TPRG1: variants seen among roughly 807,000 people sequenced by gnomAD.
TPRG1 encodes tumor protein p63-regulated gene 1 protein.
In TPRG1, 29 loss-of-function variants were observed where a neutral mutation model predicts 29.3. The observed-to-expected ratio is 0.99, with a 90% confidence interval of 0.74 to 1.35. TPRG1 has a LOEUF of 1.35. Ranked by LOEUF, TPRG1 falls within the 40% of genes most tolerant of loss-of-function variation. TPRG1 has a pLI of 0.00. For synonymous variants in TPRG1, 130 were observed against 116.8 expected, an observed-to-expected ratio of 1.11 and a Z score of -0.73; for missense variants, 327 against 335.0, an observed-to-expected ratio of 0.98 and a Z score of 0.19.
intron 4 of TPRG1, among the ~76,000 whole-genome samples, chr3:189,044,953 G>C (rs1442124100): frequency 6.6e-6 from 1 of 152,112 alleles, no homozygotes; most frequent in Admixed American, 6.6e-5. Flanking sequence ...ACAGTGTAAT[G>C]CTTATCCTGG....
intron 2 of TPRG1, among the ~76,000 whole-genome samples, chr3:189,002,339 A>C (rs1712069605): frequency 6.6e-6 from 1 of 152,012 alleles, no homozygotes. Flanking sequence ...TTGTGAAAAC[A>C]ACTGATATAT....
At chr3:189,315,132 C>G (rs1307305502) in intron 5 of TPRG1, among the ~76,000 whole-genome samples, 2 of 151,952 alleles carry the variant, frequency 1.3e-5, no homozygotes, top group Non-Finnish European at 2.9e-5. Flanking sequence ...GCATTCCAAC[C>G]TAGATGACAG....
chr3:189,260,955 G>A (rs948030930), intron 4 of TPRG1, among the ~76,000 whole-genome samples: 1 of 152,194 alleles, frequency 6.6e-6, no homozygotes, highest in South Asian at 2.1e-4. Flanking sequence ...GCTTGAAAGG[G>A]CTTCTGCTCT....
chr3:189,215,234 A>G lies in TPRG1; in HGVS notation c.211-58A>G. 6.3e-6 allele frequency: 9 copies of G among 1,431,228 alleles called. No homozygotes were observed. The South Asian group carries it at 6.5e-5, about 10-fold the overall frequency. 88.7% of individuals were successfully genotyped at this position (1,431,228 alleles called of 1,614,324 possible). A position where few individuals can be genotyped will look rare whatever the true frequency, so the allele number is the denominator to read the frequency against. ...AGCTGCTGGAATATACTAACTAATC[A>G]TAAGCGCGAAGTGGGCTAAGTCTGC... On this transcript the variant is annotated intron_variant, in intron 2 of 5. Coordinates refer to ENST00000345063, the MANE Select transcript of TPRG1 (RefSeq NM_198485.4).
chr3:189,070,837 T>C (rs1344285375), intron 4 of TPRG1, among the ~76,000 whole-genome samples: 2 of 152,092 alleles, frequency 1.3e-5, no homozygotes, highest in Non-Finnish European at 2.9e-5. Context: ...GAGTTGGGGC[T>C]TGCGAGAAGT....
chr3:189,286,990 A>G (rs545775170), intron 4 of TPRG1, among the ~76,000 whole-genome samples: 1 of 152,198 alleles, frequency 6.6e-6, no homozygotes, highest in Admixed American at 6.5e-5. Context: ...ACAGAGGCTT[A>G]TACAGTTGTT....
intron 1 of TPRG1, among the ~76,000 whole-genome samples, chr3:189,000,467 T>C (rs1711969484): frequency 6.6e-6 from 1 of 152,122 alleles, no homozygotes; most frequent in African/African-American, 2.4e-5. Context: ...TTGAATTTTT[T>C]GTTCTCCTTT....
At chr3:189,317,003 A>G (rs1016844935) in intron 5 of TPRG1, among the ~76,000 whole-genome samples, 26 of 152,250 alleles carry the variant, frequency 1.7e-4, no homozygotes, top group African/African-American at 2.4e-4. Flanking sequence ...GCTCCTAGAA[A>G]TGACTGGAAA....
chr3:189,051,119 A>G (rs763185992), intron 4 of TPRG1, among the ~76,000 whole-genome samples: 6 of 152,216 alleles, frequency 3.9e-5, no homozygotes, highest in Non-Finnish European at 8.8e-5. Flanking sequence ...AAGGGCATCC[A>G]AATCGGTAAA....
At chr3:189,146,746 A>C (rs1725315300) in intron 3 of TPRG1, among the ~76,000 whole-genome samples, 1 of 152,220 alleles carries the variant, frequency 6.6e-6, no homozygotes, top group Non-Finnish European at 1.5e-5. Context: ...ATAAATAAAA[A>C]AGTAATTAAA....
upstream of TPRG1, among the ~76,000 whole-genome samples, chr3:189,099,020 C>A (rs371647453): frequency 6.6e-6 from 1 of 152,104 alleles, no homozygotes; most frequent in African/African-American, 2.4e-5. Context: ...GTGCTACAGC[C>A]GCAGCTCCTC....
At chr3:189,170,438 T>G (rs1203199191), upstream of TPRG1, among the ~76,000 whole-genome samples, 2 of 152,192 alleles carry the variant, frequency 1.3e-5, no homozygotes, top group African/African-American at 2.4e-5. Flanking sequence ...ACAGCCCGGA[T>G]CTAATGCCGC....
At chr3:189,022,896 C>T (rs1418276162) in intron 3 of TPRG1, among the ~76,000 whole-genome samples, 1 of 152,208 alleles carries the variant, frequency 6.6e-6, no homozygotes, top group Admixed American at 6.5e-5. Context: ...TGGGGTAGGA[C>T]CCTCCGAGCC....
At chr3:189,169,311 C>T (rs563440420), upstream of TPRG1, among the ~76,000 whole-genome samples, 3 of 152,188 alleles carry the variant, frequency 2.0e-5, no homozygotes, top group African/African-American at 7.2e-5. Context: ...ATTACAGGGG[C>T]CCGCCACTGC....
chr3:189,113,925 AAAATAAAAT>A (rs1720869202), intron 1 of TPRG1, among the ~76,000 whole-genome samples: 2 of 58,446 alleles, frequency 3.4e-5, no homozygotes, highest in African/African-American at 1.4e-3. Context: ...TAATAATAAT[AAAATAAAAT>A]AAAATAAAAT....
chr3:189,207,451 C>G lies in TPRG1; in HGVS notation c.67C>G (p.Pro23Ala). ...VSLKQEGDDQ[P>A]SETDHLSMEE... ...TCTGAAGCAAGAGGGAGATGACCAA[C>G]CCTCTGAGACTGACCACCTATCGAT... Residue 23 changes from proline (P) to alanine (A), a missense_variant, in exon 2 of 6, where the codon CCC becomes GCC. By Grantham distance (27) the Pro-to-Ala change is conservative. Transcript: ENST00000345063. 6.2e-7 allele frequency: 1 copy of G among 1,613,982 alleles called. No individual in the cohort carries two copies. The highest frequency in any genetic ancestry group is 8.5e-7 in the Non-Finnish European group (1 of 1,179,958).
chr3:189,055,802 C>G (rs1218979576), intron 4 of TPRG1, among the ~76,000 whole-genome samples: 1 of 152,128 alleles, frequency 6.6e-6, no homozygotes, highest in Admixed American at 6.5e-5. Flanking sequence ...CTGACCCATA[C>G]AGTTCCTTTC....
chr3:189,077,302 C>T lies in TPRG1; in HGVS notation c.-462-49755C>T, dbSNP rs180826977. Among the ~76,000 whole-genome samples the T allele has an allele frequency of 1.4e-3, 209 of 152,150 alleles. 1 individual carries two copies. The highest frequency in any genetic ancestry group is 2.1e-3 in the Non-Finnish European group (140 of 67,962). On this transcript the variant is annotated intron_variant, in intron 4 of 10. Coordinates refer to the TPRG1 transcript ENST00000433971. ...AATGAACTACTTTTACACATAACAA[C>T]GTGGATCTCAAAAACATCATATTAA...
At chr3:189,009,226 T>G (rs1294342199) in intron 3 of TPRG1, among the ~76,000 whole-genome samples, 1 of 152,168 alleles carries the variant, frequency 6.6e-6, no homozygotes, top group African/African-American at 2.4e-5. Flanking sequence ...GGGGTGTGTT[T>G]TCTGAAGCCA....
Sources: allele counts gnomAD v4.1 joint callset (sites outside exome capture counted in the v4.1 genomes callset), GRCh38; gene constraint gnomAD v4.1.1; transcripts MANE v1.5; gene names NCBI Gene and HGNC (gene_info 2026-07-23, HGNC 2026-07-21).